Variants in TPGS2 observed in about 807,000 individuals in gnomAD.
TPGS2 encodes the protein tubulin polyglutamylase complex subunit 2, also known as polyglutamylase subunit 2.
A neutral mutation model predicts 31.1 loss-of-function variants in TPGS2; 26 were observed. The ratio of observed to expected loss-of-function variants is 0.84; its 90% CI spans 0.61 to 1.16. The LOEUF (loss-of-function observed/expected upper bound fraction) is 1.16. Among genes scored for constraint, TPGS2 ranks in the 50% most tolerant of loss-of-function variants. The pLI is 0.00. For missense variants in TPGS2, 351 were observed against 363.8 expected (o/e 0.96, Z 0.29); for synonymous variants, 130 against 136.6 (o/e 0.95, Z 0.34).
At chr18:36,786,614 A>C (rs1023342987) in intron 6 of TPGS2, 8 of 377,726 alleles carry the variant, frequency 2.1e-5, no homozygotes, top group African/African-American at 1.5e-4. Flanking sequence ...TTATTGTCAC[A>C]AAGTTGTTCC....
At chr18:36,817,982 T>C (rs567993164) in intron 2 of TPGS2, among the ~76,000 whole-genome samples, 99 of 152,292 alleles carry the variant, frequency 6.5e-4, no homozygotes, top group African/African-American at 2.4e-3. Context: ...AACATTTCAA[T>C]GACTCCCCTT....
chr18:36,812,538 C>T (rs146899693), intron 2 of TPGS2, among the ~76,000 whole-genome samples: 3 of 152,174 alleles, frequency 2.0e-5, no homozygotes, highest in Admixed American at 6.5e-5. Context: ...GGAAGTTCCA[C>T]GCCCCTCCCA....
rs2044429273 is a variant in TPGS2 at position 36,794,475 on chromosome 18, A to G, written c.*2330T>C. The G allele has an allele frequency of 6.1e-6, 6 of 985,446 alleles. No homozygotes were observed. Among genetic ancestry groups the G allele is most frequent in the Non-Finnish European group, 7.2e-6 (6 of 829,952 alleles). The allele number at this position is 985,446 out of a possible 1,614,324, so 61.0% of individuals were successfully genotyped here. ...GCTTCACTTGTGGAATCCAGGGCTG[A>G]TTTAGAAATGCTGTGATTCGGGGGA... On this transcript the variant is annotated 3_prime_UTR_variant, in exon 7 of 7. Transcript: ENST00000334295.
intron 2 of TPGS2, among the ~76,000 whole-genome samples, chr18:36,810,747 T>C (rs1447173813): frequency 1.3e-5 from 2 of 152,224 alleles, no homozygotes; most frequent in Admixed American, 1.3e-4. Context: ...CAATGGTTTA[T>C]TTAAGCTACT....
At chr18:36,821,219 G>A (rs2045881100) in intron 1 of TPGS2, 1 of 152,116 alleles carries the variant, frequency 6.6e-6, no homozygotes, top group African/African-American at 2.4e-5. Context: ...TTTGATTCCT[G>A]AGCCATCACA....
intron 2 of TPGS2, among the ~76,000 whole-genome samples, chr18:36,814,845 A>C (rs1168873908): frequency 6.6e-6 from 1 of 152,208 alleles, no homozygotes; most frequent in Non-Finnish European, 1.5e-5. Flanking sequence ...TAAGGAGAAG[A>C]CTTTACCCAT....
chr18:36,808,512 C>T (rs1005353521), intron 2 of TPGS2, among the ~76,000 whole-genome samples: 1 of 151,994 alleles, frequency 6.6e-6, no homozygotes, highest in Non-Finnish European at 1.5e-5. Flanking sequence ...GTGGCGGGCG[C>T]CTGTAGTCCC....
At chr18:36,800,014 A>G (rs2044725370) in intron 5 of TPGS2, among the ~76,000 whole-genome samples, 184 bp downstream of exon 5, 1 of 152,208 alleles carries the variant, frequency 6.6e-6, no homozygotes, top group African/African-American at 2.4e-5. Flanking sequence ...TAAAAGGACT[A>G]ATAATTAGCC....
downstream of TPGS2, chr18:36,780,131 ACTCTT>A (rs2043968043): frequency 1.6e-6 from 2 of 1,231,814 alleles, no homozygotes; most frequent in South Asian, 4.1e-5. Flanking sequence ...GAATGGCAAA[ACTCTT>A]CTCAGTGTCC....
rs901230973 is a variant in TPGS2, at chr18:36,794,625, G to A, written c.*2180C>T. On this transcript the variant is annotated 3_prime_UTR_variant, in exon 7 of 7. Coordinates refer to ENST00000334295, the MANE Select transcript of TPGS2 (RefSeq NM_015476.4). ...TAGAATCTCCTATCCAGTGCCGTTGGCTCTTCCTTTGATCAATTCTGGCAA... is the reference window on the plus strand; with the variant it reads ...TAGAATCTCCTATCCAGTGCCGTTGACTCTTCCTTTGATCAATTCTGGCAA... 2.0e-6 allele frequency: 2 copies of A among 985,226 alleles called. No homozygotes were observed. Among genetic ancestry groups the A allele is most frequent in the African/African-American group, 1.7e-5 (1 of 57,196 alleles). 61.0% of individuals were successfully genotyped at this position (985,226 alleles called of 1,614,324 possible).
chr18:36,791,071 G>A (rs776074839), downstream of TPGS2, among the ~76,000 whole-genome samples: 1 of 152,084 alleles, frequency 6.6e-6, no homozygotes, highest in Non-Finnish European at 1.5e-5. Context: ...GAGTTCTCAC[G>A]AGATCTGGTT....
At chr18:36,784,742 A>T (rs963386785) in intron 6 of TPGS2, among the ~76,000 whole-genome samples, 3 of 152,230 alleles carry the variant, frequency 2.0e-5, no homozygotes, top group African/African-American at 7.2e-5. Context: ...TGAGGATGAG[A>T]CATATTGAAT....
Position 36,796,581 on chromosome 18 carries a change from T to C in TPGS2, c.*224A>G. 1 of 1,326,456 alleles carries C rather than the reference T, an allele frequency of 7.5e-7. No individual in the cohort carries two copies. Among genetic ancestry groups the C allele is most frequent in the Non-Finnish European group, 9.6e-7 (1 of 1,045,680 alleles). The allele number at this position is 1,326,456 out of a possible 1,614,324, so 82.2% of individuals were successfully genotyped here. A position where few individuals can be genotyped will look rare whatever the true frequency, so the allele number is the denominator to read the frequency against. Reference sequence around the variant, plus strand: ...GACTTATTTGGGCACTTACACAAGATTCCAAATTCCCCATTGCTTCCAGAG... The same window carrying C: ...GACTTATTTGGGCACTTACACAAGACTCCAAATTCCCCATTGCTTCCAGAG... On this transcript the variant is annotated 3_prime_UTR_variant, in exon 7 of 7. Coordinates refer to ENST00000334295, the MANE Select transcript of TPGS2 (RefSeq NM_015476.4).
chr18:36,802,977 A>G (rs1444539198), intron 4 of TPGS2, among the ~76,000 whole-genome samples: 1 of 151,886 alleles, frequency 6.6e-6, no homozygotes, highest in Non-Finnish European at 1.5e-5. Context: ...TTAATTGACA[A>G]TTATTTTTAA....
At position 36,794,313 on chromosome 18, in the gene TPGS2, T is replaced by C; in HGVS notation, c.*2492A>G. 2.0e-6 allele frequency: 2 copies of C among 985,468 alleles called. No homozygotes were observed. Among genetic ancestry groups the C allele is most frequent in the South Asian group, 9.4e-5 (2 of 21,286 alleles). 61.0% of individuals were successfully genotyped at this position (985,468 alleles called of 1,614,324 possible). A position where few individuals can be genotyped will look rare whatever the true frequency, so the allele number is the denominator to read the frequency against. On this transcript the variant is annotated 3_prime_UTR_variant, in exon 7 of 7. Coordinates refer to ENST00000334295, the MANE Select transcript of TPGS2 (RefSeq NM_015476.4). ...CTGCACTGAGTGGAGTCAGTCCTGC[T>C]CTTCCCTGCTCACTCCTTCTGAGGC...
intron 6 of TPGS2, among the ~76,000 whole-genome samples, chr18:36,797,371 C>T (rs534236996): frequency 6.6e-6 from 1 of 152,066 alleles, no homozygotes; most frequent in Admixed American, 6.5e-5. Context: ...CACTAGAGGA[C>T]AGCGTCTATT....
chr18:36,804,756 C>T (rs2045025924), intron 4 of TPGS2, among the ~76,000 whole-genome samples: 1 of 152,200 alleles, frequency 6.6e-6, no homozygotes, highest in African/African-American at 2.4e-5. Context: ...CCCTGGCAAC[C>T]TGGGTTGCCA....
At chr18:36,787,514 T>C (rs2150525616) in intron 6 of TPGS2, among the ~76,000 whole-genome samples, 1 of 152,372 alleles carries the variant, frequency 6.6e-6, no homozygotes, top group Non-Finnish European at 1.5e-5. Flanking sequence ...GGAATAATTA[T>C]AGTTTTTTAA....
At chr18:36,812,105 G>A (rs1448173944) in intron 2 of TPGS2, among the ~76,000 whole-genome samples, 1 of 152,078 alleles carries the variant, frequency 6.6e-6, no homozygotes, top group African/African-American at 2.4e-5. Context: ...TGTTTTTTGA[G>A]CTTGGAAATG....
Sources: gnomAD v4.1 joint callset for allele counts (sites outside exome capture counted in the v4.1 genomes callset) on GRCh38, gnomAD v4.1.1 for gene constraint, MANE v1.5 for transcripts, NCBI Gene and HGNC (gene_info 2026-07-23, HGNC 2026-07-21) for gene names.